The following ATF7IP2 variants were observed in gnomAD, a reference collection of about 807,000 sequenced individuals.
The protein encoded by ATF7IP2 is activating transcription factor 7 interacting protein 2.
ATF7IP2 carries 42 observed loss-of-function variants against 64.2 expected under a neutral mutation model. The observed-to-expected ratio is 0.65, with a 90% confidence interval of 0.51 to 0.85. The LOEUF is 0.85. Ranked by LOEUF, ATF7IP2 falls within the 40% of genes least tolerant of loss-of-function variation. The pLI is 0.00. For synonymous variants in ATF7IP2, 308 were observed against 272.8 expected, an observed-to-expected ratio of 1.13 and a Z score of -1.27; for missense variants, 933 against 784.2, an observed-to-expected ratio of 1.19 and a Z score of -2.27.
chr16:10,409,539 G>C (rs1399032890), intron 1 of ATF7IP2, among the ~76,000 whole-genome samples: 1 of 147,524 alleles, frequency 6.8e-6, no homozygotes, highest in African/African-American at 2.5e-5. Flanking sequence ...CCATTCTCTT[G>C]CCTCAGCCTC....
At chr16:10,462,826 A>T (rs2049420309) in intron 9 of ATF7IP2, among the ~76,000 whole-genome samples, 2 of 151,938 alleles carry the variant, frequency 1.3e-5, no homozygotes. Context: ...ACTGGTTTCT[A>T]ATTATGTGCT....
chr16:10,483,004 A>G lies in ATF7IP2; in HGVS notation c.*755A>G. On this transcript the variant is annotated 3_prime_UTR_variant, in exon 14 of 14. Coordinates refer to ENST00000562102, the MANE Select transcript of ATF7IP2 (RefSeq NM_001393719.1). ...GCTGGGATTATAGGCGTAAGCCACC[A>G]TGCCTGGCCAAAAATTAAAAGATTT... The G allele has an allele frequency of 6.6e-6, 1 of 152,222 alleles. No individual in the cohort carries two copies. Among genetic ancestry groups the G allele is most frequent in the Admixed American group, 6.5e-5 (1 of 15,282 alleles). The allele number at this position is 152,222 out of a possible 1,614,324, so 9.4% of individuals were successfully genotyped here.
intron 7 of ATF7IP2, among the ~76,000 whole-genome samples, chr16:10,438,857 G>A (rs374648670): frequency 6.6e-6 from 1 of 152,000 alleles, no homozygotes; most frequent in South Asian, 2.1e-4. Flanking sequence ...GATCGAGACC[G>A]TCCTGGGCAA....
chr16:10,422,787 C>T (rs752727047), intron 3 of ATF7IP2, among the ~76,000 whole-genome samples: 5 of 152,182 alleles, frequency 3.3e-5, no homozygotes, highest in African/African-American at 7.2e-5. Context: ...TCCTCCTGTT[C>T]GTTTAGTTTC....
intron 8 of ATF7IP2, among the ~76,000 whole-genome samples, chr16:10,452,622 C>A (rs867385271): frequency 6.6e-6 from 1 of 152,204 alleles, no homozygotes; most frequent in Non-Finnish European, 1.5e-5. Context: ...TTTAGCAGAG[C>A]TCAAATGCTG....
chr16:10,477,627 T>C (rs955567733), intron 12 of ATF7IP2, among the ~76,000 whole-genome samples: 1 of 151,998 alleles, frequency 6.6e-6, no homozygotes, highest in African/African-American at 2.4e-5. Context: ...CTATTCAACA[T>C]AGTGTTGGAA....
At chr16:10,478,583 C>G (rs2050095564) in intron 12 of ATF7IP2, among the ~76,000 whole-genome samples, 1 of 152,176 alleles carries the variant, frequency 6.6e-6, no homozygotes, top group African/African-American at 2.4e-5. Context: ...CCATTCAGGA[C>G]ATAGGCATGG....
At chr16:10,396,698 A>G (rs2047426176) in intron 1 of ATF7IP2, among the ~76,000 whole-genome samples, 1 of 151,886 alleles carries the variant, frequency 6.6e-6, no homozygotes. Context: ...ACTGTCTCAC[A>G]GGATGGAGTG....
intron 6 of ATF7IP2, among the ~76,000 whole-genome samples, chr16:10,435,730 G>C (rs1034989910): frequency 6.6e-6 from 1 of 152,152 alleles, no homozygotes; most frequent in Non-Finnish European, 1.5e-5. Context: ...GTAGGCTACT[G>C]CTTTCTCAAA....
intron 1 of ATF7IP2, among the ~76,000 whole-genome samples, chr16:10,397,730 G>C (rs1019384290): frequency 1.1e-4 from 17 of 151,770 alleles, no homozygotes; most frequent in African/African-American, 2.4e-4. Flanking sequence ...TTAGGTGCAC[G>C]CCAGTGGTTT....
rs369030187 is a variant in ATF7IP2 at position 10,433,688 on chromosome 16, T to G, written c.960+39T>G. On this transcript the variant is annotated intron_variant, in intron 6 of 13. Coordinates refer to ENST00000562102, the MANE Select transcript of ATF7IP2 (RefSeq NM_001393719.1). ...GCTTAAATGGAACTTTTACTTTTGATTAGTAAAACATGGTAAAAGTTAATT... is the reference window on the plus strand; with the variant it reads ...GCTTAAATGGAACTTTTACTTTTGAGTAGTAAAACATGGTAAAAGTTAATT... 6.4e-5 allele frequency: 103 copies of G among 1,602,306 alleles called. No homozygotes were observed. The Middle Eastern group carries it at 9.9e-4, about 15-fold the overall frequency.
chr16:10,392,655 C>T (rs975491762), intron 1 of ATF7IP2, among the ~76,000 whole-genome samples: 2 of 152,076 alleles, frequency 1.3e-5, no homozygotes, highest in Non-Finnish European at 2.9e-5. Context: ...ATAGACCCAT[C>T]TCTCATTAAC....
chr16:10,441,049 G>C (rs1370667297), intron 8 of ATF7IP2, among the ~76,000 whole-genome samples: 1 of 152,152 alleles, frequency 6.6e-6, no homozygotes, highest in Non-Finnish European at 1.5e-5. Flanking sequence ...ATGGTTTTCA[G>C]CTTCATCCAT....
At chr16:10,443,647 G>C (rs1055088282) in intron 8 of ATF7IP2, among the ~76,000 whole-genome samples, 1 of 152,186 alleles carries the variant, frequency 6.6e-6, no homozygotes, top group South Asian at 2.1e-4. Flanking sequence ...ATTGGGAAGG[G>C]GGTGAGGAGT....
intron 1 of ATF7IP2, among the ~76,000 whole-genome samples, chr16:10,397,841 G>A (rs1198555026): frequency 6.8e-6 from 1 of 146,354 alleles, no homozygotes; most frequent in Admixed American, 6.9e-5. Flanking sequence ...TGGGTGACAA[G>A]AGTGAGACCT....
Position 10,440,475 on chromosome 16 carries a change from A to G in ATF7IP2, c.1194+13A>G. On this transcript the variant is annotated intron_variant, in intron 8 of 13. Coordinates refer to ENST00000562102, the MANE Select transcript of ATF7IP2 (RefSeq NM_001393719.1). ...TGGAGCCTCTAAGGTTTGTATAAAC[A>G]CACAGGAATTGTAATCATCTATTTG... is the stretch of plus-strand genomic sequence containing the variant. 7.4e-7 allele frequency: 1 copy of G among 1,358,090 alleles called. No homozygotes were observed. Among genetic ancestry groups the G allele is most frequent in the Non-Finnish European group, 1.0e-6 (1 of 986,206 alleles). 84.1% of individuals were successfully genotyped at this position (1,358,090 alleles called of 1,614,324 possible).
At chr16:10,475,722 G>GAAAAAAAAAAAAAA (rs386384218) in intron 12 of ATF7IP2, among the ~76,000 whole-genome samples, 45 of 41,598 alleles carry the variant, frequency 1.1e-3, no homozygotes, top group East Asian at 3.2e-3. Context: ...TAAGAAGCCA[G>GAAAAAAAAAAAAAA]AAAAAAAAAA....
intron 7 of ATF7IP2, among the ~76,000 whole-genome samples, chr16:10,439,680 C>A (rs2048546516): frequency 6.6e-6 from 1 of 150,982 alleles, no homozygotes; most frequent in Non-Finnish European, 1.5e-5. Context: ...TTACAGGCGC[C>A]TGCCACTACA....
chr16:10,464,893 G>A (rs897341264), intron 9 of ATF7IP2, among the ~76,000 whole-genome samples: 2 of 152,188 alleles, frequency 1.3e-5, no homozygotes, highest in Non-Finnish European at 2.9e-5. Context: ...GCAACGGCAC[G>A]ATCTCAGCTC....
Sources: allele counts gnomAD v4.1 joint callset (sites outside exome capture counted in the v4.1 genomes callset), GRCh38; gene constraint gnomAD v4.1.1; transcripts MANE v1.5; gene names NCBI Gene and HGNC (gene_info 2026-07-23, HGNC 2026-07-21).